The following SACM1L variants were observed in gnomAD, a reference collection of about 807,000 sequenced individuals.
The protein encoded by SACM1L is SAC1 like phosphatidylinositide phosphatase.
SACM1L carries 32 observed loss-of-function variants against 89.5 expected under a neutral mutation model. The ratio of observed to expected loss-of-function variants is 0.36; its 90% CI spans 0.27 to 0.48. The LOEUF (loss-of-function observed/expected upper bound fraction) is 0.48. Ranked by LOEUF, SACM1L falls within the 20% of genes least tolerant of loss-of-function variation. The pLI, the probability that SACM1L is intolerant of heterozygous loss-of-function variation, is 0.99. For synonymous variants in SACM1L, 213 were observed against 232.8 expected (o/e 0.92, Z 0.77); for missense variants, 543 against 708.5 (o/e 0.77, Z 2.65).
intron 4 of SACM1L, 182 bp downstream of exon 4, chr3:45,707,089 C>G (rs759976158): frequency 2.7e-5 from 13 of 480,448 alleles, no homozygotes; most frequent in Non-Finnish European, 4.5e-5. Context: ...TCATTTGTTG[C>G]TCTTGTTTTT....
In SACM1L at chr3:45,714,098, A is replaced by T. The variant is rs756814737; in HGVS notation, c.577+19A>T. On this transcript the variant is annotated intron_variant, in intron 7 of 19. Transcript: ENST00000389061. ...CATGGCTGTATCCTTACATGATATTACTCTTTAGTTTCTAGATGCCTTTAT... is the reference window on the plus strand; with the variant it reads ...CATGGCTGTATCCTTACATGATATTTCTCTTTAGTTTCTAGATGCCTTTAT... 2.0e-6 allele frequency: 3 copies of T among 1,490,244 alleles called. No homozygotes were observed. In the South Asian group the frequency reaches 4.3e-5, roughly 21 times the overall value. The allele number at this position is 1,490,244 out of a possible 1,614,324, so 92.3% of individuals were successfully genotyped here.
intron 19 of SACM1L, 87 bp downstream of exon 19, chr3:45,739,731 T>C (rs1318408576): frequency 2.5e-6 from 3 of 1,204,018 alleles, no homozygotes; most frequent in Non-Finnish European, 2.5e-6. Context: ...ACCGAACACT[T>C]GATGTTTCCC....
At chr3:45,714,991 TAC>T (rs1698616666) in intron 7 of SACM1L, among the ~76,000 whole-genome samples, 1 of 152,232 alleles carries the variant, frequency 6.6e-6, no homozygotes, top group Non-Finnish European at 1.5e-5. Flanking sequence ...TATGTTGAGA[TAC>T]ACAAATACCA....
intron 1 of SACM1L, among the ~76,000 whole-genome samples, chr3:45,691,009 G>A (rs1697974219): frequency 6.6e-6 from 1 of 152,188 alleles, no homozygotes; most frequent in South Asian, 2.1e-4. Flanking sequence ...GAATTATGAT[G>A]ATTGTTTTTC....
In SACM1L at chr3:45,706,922, T is replaced by G. The variant is rs746212451; in HGVS notation, c.333+15T>G. On this transcript the variant is annotated intron_variant, in intron 4 of 19. Coordinates refer to ENST00000389061, the MANE Select transcript of SACM1L (RefSeq NM_014016.5). Reference sequence around the variant, plus strand: ...CTGATATTCAGGTAAGAACTGGAAATTGTTACTAATTGCAGCGCCCAAAGA... The same window carrying G: ...CTGATATTCAGGTAAGAACTGGAAAGTGTTACTAATTGCAGCGCCCAAAGA... The G allele has an allele frequency of 4.3e-6, 7 of 1,612,162 alleles. No homozygotes were observed. Among genetic ancestry groups the G allele is most frequent in the Non-Finnish European group, 5.9e-6 (7 of 1,178,852 alleles).
intron 1 of SACM1L, among the ~76,000 whole-genome samples, chr3:45,702,809 T>C (rs1698305417): frequency 6.6e-6 from 1 of 152,196 alleles, no homozygotes; most frequent in South Asian, 2.1e-4. Context: ...TCCTTTATTT[T>C]TTATTTTCCA....
intron 2 of SACM1L, 105 bp from the exon 3 acceptor site, chr3:45,705,030 A>G (rs1326281964): frequency 2.9e-6 from 2 of 678,688 alleles, no homozygotes; most frequent in East Asian, 2.7e-5. Flanking sequence ...AGAACAAATC[A>G]TGCAAATTGA....
At chr3:45,736,779 G>C (rs552864977) in intron 14 of SACM1L, among the ~76,000 whole-genome samples, 25 of 152,290 alleles carry the variant, frequency 1.6e-4, no homozygotes, top group African/African-American at 6.0e-4. Flanking sequence ...TGCAGAGAGT[G>C]GGGGCAGGAG....
intron 11 of SACM1L, among the ~76,000 whole-genome samples, chr3:45,728,763 C>T (rs1267439102): frequency 6.6e-6 from 1 of 152,158 alleles, no homozygotes; most frequent in Non-Finnish European, 1.5e-5. Context: ...ATCTTGAACT[C>T]CTGGGCTGAA....
At chr3:45,718,725 T>A (rs922091328) in intron 7 of SACM1L, among the ~76,000 whole-genome samples, 2 of 152,164 alleles carry the variant, frequency 1.3e-5, no homozygotes. Context: ...ATAAAAACAT[T>A]TAATGTAAGA....
chr3:45,707,128 A>G, intron 4 of SACM1L: 1 of 378,006 alleles, frequency 2.6e-6, no homozygotes, highest in Non-Finnish European at 4.7e-6. Flanking sequence ...TTCTTAAATT[A>G]TGCAATTTCA....
At chr3:45,698,915 C>T (rs939706101) in intron 1 of SACM1L, among the ~76,000 whole-genome samples, 1 of 152,082 alleles carries the variant, frequency 6.6e-6, no homozygotes, top group Non-Finnish European at 1.5e-5. Context: ...GGACTACAGG[C>T]ACGTGCCACC....
chr3:45,704,331 A>G (rs753179410), intron 2 of SACM1L, among the ~76,000 whole-genome samples: 16 of 152,232 alleles, frequency 1.1e-4, no homozygotes, highest in South Asian at 2.1e-4. Context: ...AAGTACGAAA[A>G]TATATTCCAT....
At chr3:45,710,592 T>C (rs1698503614) in intron 5 of SACM1L, among the ~76,000 whole-genome samples, 2 of 151,678 alleles carry the variant, frequency 1.3e-5, no homozygotes, top group Admixed American at 1.3e-4. Context: ...TTCAGGAACC[T>C]GGATGATTGC....
At chr3:45,714,168 C>A in intron 7 of SACM1L, 89 bp downstream of exon 7, 2 of 650,736 alleles carry the variant, frequency 3.1e-6, no homozygotes, top group South Asian at 3.4e-5. Context: ...CTCAAATACT[C>A]CATAAGGAGA....
At chr3:45,731,228 G>C in intron 11 of SACM1L, 73 bp from the exon 12 acceptor site, 1 of 957,746 alleles carries the variant, frequency 1.0e-6, no homozygotes, top group Non-Finnish European at 1.6e-6. Flanking sequence ...GAGCTTCCTA[G>C]TTTGTCCTTT....
At chr3:45,701,701 C>A (rs1007869845) in intron 1 of SACM1L, among the ~76,000 whole-genome samples, 1 of 152,096 alleles carries the variant, frequency 6.6e-6, no homozygotes, top group African/African-American at 2.4e-5. Context: ...CCCATGAAAC[C>A]ATTGCCAGTA....
chr3:45,690,320 C>T (rs1697946984), intron 1 of SACM1L: 1 of 152,220 alleles, frequency 6.6e-6, no homozygotes, highest in African/African-American at 2.4e-5. Context: ...TTGTTGTACT[C>T]ACTTCGTGTT....
intron 1 of SACM1L, among the ~76,000 whole-genome samples, chr3:45,691,809 T>C (rs2125678284): frequency 6.6e-6 from 1 of 152,304 alleles, no homozygotes; most frequent in African/African-American, 2.4e-5. Flanking sequence ...TAATTCTGTC[T>C]GCATTATGCC....
Sources: allele counts gnomAD v4.1 joint callset (sites outside exome capture counted in the v4.1 genomes callset), GRCh38; gene constraint gnomAD v4.1.1; transcripts MANE v1.5; gene names NCBI Gene and HGNC (gene_info 2026-07-23, HGNC 2026-07-21).